CNBD1: variants seen among roughly 807,000 people sequenced by gnomAD.
CNBD1 encodes cyclic nucleotide-binding domain-containing protein 1.
In CNBD1, 71 loss-of-function variants were observed where a neutral mutation model predicts 54.4. That is an observed-to-expected ratio of 1.30 (90% CI 1.08 to 1.59). CNBD1 has a LOEUF of 1.59. Ranked by LOEUF, CNBD1 falls within the 40% of genes most tolerant of loss-of-function variation. The probability of loss-of-function intolerance (pLI) is 0.00; values close to 1 mark genes in which losing one functional copy is unlikely to be tolerated. For missense variants in CNBD1, 659 were observed against 518.0 expected, an observed-to-expected ratio of 1.27 and a Z score of -2.64; for synonymous variants, 182 against 170.7, an observed-to-expected ratio of 1.07 and a Z score of -0.51.
At chr8:86,984,177 A>C (rs905621601) in intron 4 of CNBD1, among the ~76,000 whole-genome samples, 1 of 152,170 alleles carries the variant, frequency 6.6e-6, no homozygotes, top group African/African-American at 2.4e-5. Context: ...CAGAGGGTAA[A>C]AGCCCCAGGC....
rs1395640602 is a variant in CNBD1, at chr8:87,274,724, G to A, written c.772-9954G>A. ...TTTTCTCCCATTCTGTAGGTTGCCT[G>A]TTCACTCTGATGGTAGTTTCTTTTG... On this transcript the variant is annotated intron_variant, in intron 6 of 10. Coordinates refer to ENST00000518476, the MANE Select transcript of CNBD1 (RefSeq NM_173538.3). Among the ~76,000 whole-genome samples the A allele has an allele frequency of 2.3e-5, 3 of 133,242 alleles. 1 individual carries two copies. Among genetic ancestry groups the A allele is most frequent in the African/African-American group, 9.1e-5 (3 of 32,808 alleles). 87.4% of individuals were successfully genotyped at this position (133,242 alleles called of 152,430 possible).
intron 4 of CNBD1, among the ~76,000 whole-genome samples, chr8:87,045,291 A>T (rs575084766): frequency 6.6e-6 from 1 of 152,278 alleles, no homozygotes; most frequent in East Asian, 1.9e-4. Context: ...AGTAAAGGAG[A>T]GCTAACTAGG....
chr8:86,908,696 T>C (rs1465319634), intron 3 of CNBD1, among the ~76,000 whole-genome samples: 1 of 152,012 alleles, frequency 6.6e-6, no homozygotes, highest in Admixed American at 6.5e-5. Flanking sequence ...AGTACCAGTA[T>C]GTTTAAAGGG....
Position 86,884,147 on chromosome 8 carries a change from G to A in CNBD1, c.89-3395G>A, listed in dbSNP as rs190537820. ...AGCCTGGGCGACAGAGCGAGACTCC[G>A]TCTCAAAACAAAACAAAACAAAACA... On this transcript the variant is annotated intron_variant, in intron 1 of 10. Coordinates refer to ENST00000518476, the MANE Select transcript of CNBD1 (RefSeq NM_173538.3). Among the ~76,000 whole-genome samples the A allele has an allele frequency of 7.4e-3, 1,109 of 150,544 alleles. 17 individuals are homozygous for A. Among genetic ancestry groups the A allele is most frequent in the African/African-American group, 0.025 (1,018 of 40,906 alleles).
At chr8:87,108,522 C>A (rs1483681681) in intron 4 of CNBD1, among the ~76,000 whole-genome samples, 1 of 152,126 alleles carries the variant, frequency 6.6e-6, no homozygotes, top group Non-Finnish European at 1.5e-5. Flanking sequence ...TGTTTAAAAG[C>A]TTCACAGGTG....
chr8:87,360,144 A>G lies in CNBD1; in HGVS notation c.1303+6358A>G, dbSNP rs145364007. Among the ~76,000 whole-genome samples the G allele has an allele frequency of 1.6e-3, 245 of 152,080 alleles. 3 individuals are homozygous for G. The highest frequency in any genetic ancestry group is 0.015 in the East Asian group (79 of 5,170). On this transcript the variant is annotated intron_variant, in intron 10 of 10. Transcript: ENST00000518476. ...GGTAAATACCCAAAGAGAGCAATTC[A>G]CTCACTGTACCTGTACTTCAAGATA...
chr8:87,251,863 T>TA (rs940472834), intron 6 of CNBD1, among the ~76,000 whole-genome samples: 3 of 152,062 alleles, frequency 2.0e-5, no homozygotes, highest in South Asian at 2.1e-4. Context: ...TTTATCTTTT[T>TA]AAAAAAATAC....
chr8:86,945,152 A>G (rs373019414), intron 4 of CNBD1, among the ~76,000 whole-genome samples: 7 of 149,488 alleles, frequency 4.7e-5, no homozygotes, highest in African/African-American at 1.0e-4. Context: ...ATTTCTGGGG[A>G]AAAAAAGTTA....
At chr8:87,008,225 G>A (rs1586194976) in intron 4 of CNBD1, among the ~76,000 whole-genome samples, 2 of 152,102 alleles carry the variant, frequency 1.3e-5, no homozygotes, top group African/African-American at 4.8e-5. Context: ...GTGTTCTGAG[G>A]TTCTCTCAGT....
intron 4 of CNBD1, among the ~76,000 whole-genome samples, chr8:87,138,787 C>T (rs941864229): frequency 6.6e-6 from 1 of 152,180 alleles, no homozygotes; most frequent in African/African-American, 2.4e-5. Context: ...AATATGTCTT[C>T]ACTTTTGGAT....
chr8:87,275,257 G>T (rs2130861573), intron 6 of CNBD1, among the ~76,000 whole-genome samples: 1 of 137,808 alleles, frequency 7.3e-6, no homozygotes, highest in East Asian at 2.0e-4. Context: ...GGTGATGCGG[G>T]CTCTTTTTTG....
chr8:87,379,658 A>T (rs1210778893), intron 10 of CNBD1, among the ~76,000 whole-genome samples: 1 of 152,152 alleles, frequency 6.6e-6, no homozygotes, highest in Middle Eastern at 3.4e-3. Context: ...ATAAAAGTGC[A>T]TATTAAATTA....
intron 3 of CNBD1, among the ~76,000 whole-genome samples, chr8:86,927,384 C>A (rs1429801252): frequency 6.6e-6 from 1 of 151,910 alleles, no homozygotes; most frequent in Non-Finnish European, 1.5e-5. Flanking sequence ...ATTACAAAAC[C>A]CAGACTGTTT....
At chr8:86,895,860 T>A (rs1224974305) in intron 2 of CNBD1, among the ~76,000 whole-genome samples, 1 of 152,198 alleles carries the variant, frequency 6.6e-6, no homozygotes, top group Non-Finnish European at 1.5e-5. Context: ...ATCAAATATG[T>A]GTTTTGCAAA....
chr8:86,939,517 C>A, intron 3 of CNBD1, 79 bp from the exon 4 acceptor site: 1 of 976,126 alleles, frequency 1.0e-6, no homozygotes, highest in South Asian at 2.5e-5. Context: ...CATTTATACT[C>A]CTGCAATATA....
chr8:87,327,321 G>A (rs375450897), intron 8 of CNBD1, among the ~76,000 whole-genome samples: 1 of 149,900 alleles, frequency 6.7e-6, no homozygotes, highest in African/African-American at 2.5e-5. Flanking sequence ...TTGAGCTGTG[G>A]TGGGCTCCAC....
At chr8:87,395,847 G>C (rs1811399284) in intron 2 of CNBD1, among the ~76,000 whole-genome samples, 1 of 151,842 alleles carries the variant, frequency 6.6e-6, no homozygotes, top group Non-Finnish European at 1.5e-5. Flanking sequence ...CATACTGTCA[G>C]CGTTATAGTG....
intron 4 of CNBD1, among the ~76,000 whole-genome samples, chr8:87,164,369 A>AT (rs933271604): frequency 2.6e-5 from 4 of 151,472 alleles, no homozygotes; most frequent in African/African-American, 4.8e-5. Flanking sequence ...ATTGGTATTA[A>AT]TTTTTTTTAA....
chr8:86,870,131 A>G (rs1233846492), intron 1 of CNBD1, among the ~76,000 whole-genome samples: 1 of 151,660 alleles, frequency 6.6e-6, no homozygotes, highest in African/African-American at 2.4e-5. Flanking sequence ...TTGGAAAAAA[A>G]AAAGCATTCA....
Sources: gnomAD v4.1 joint callset for allele counts (sites outside exome capture counted in the v4.1 genomes callset) on GRCh38, gnomAD v4.1.1 for gene constraint, MANE v1.5 for transcripts, NCBI Gene and HGNC (gene_info 2026-07-23, HGNC 2026-07-21) for gene names.